Variants in ASAP3 observed in about 807,000 individuals in gnomAD.
The protein encoded by ASAP3 is arf-GAP with SH3 domain, ANK repeat and PH domain-containing protein 3.
ASAP3 carries 85 observed loss-of-function variants against 118.2 expected under a neutral mutation model. That is an observed-to-expected ratio of 0.72 (90% CI 0.60 to 0.86). The LOEUF (loss-of-function observed/expected upper bound fraction) is 0.86. ASAP3 is among the 40% of genes least tolerant of loss of function. ASAP3 has a pLI of 0.00. For missense variants in ASAP3, 1,026 were observed against 1,175.0 expected, an observed-to-expected ratio of 0.87 and a Z score of 1.85; for synonymous variants, 432 against 477.4, an observed-to-expected ratio of 0.90 and a Z score of 1.24.
chr1:23,471,215 G>T (rs773026855), intron 1 of ASAP3, among the ~76,000 whole-genome samples: 3 of 152,118 alleles, frequency 2.0e-5, no homozygotes, highest in Non-Finnish European at 4.4e-5. Context: ...TGCTCATGCT[G>T]CTCCCTCTGC....
rs557667100 is a variant in ASAP3, at chr1:23,452,789, G to A, written c.349-18C>T. Reference sequence around the variant, plus strand: ...TTCTGAATCTGGAAAAAACAGAGACGCTCATTCCCGCCTCAGGTGACCGGC... The same window carrying A: ...TTCTGAATCTGGAAAAAACAGAGACACTCATTCCCGCCTCAGGTGACCGGC... On this transcript the variant is annotated intron_variant, in intron 3 of 24. Transcript: ENST00000336689. The A allele has an allele frequency of 1.9e-5, 31 of 1,612,868 alleles. No individual in the cohort carries two copies. In the East Asian group the frequency reaches 2.0e-4, roughly 10 times the overall value.
intron 17 of ASAP3, 80 bp downstream of exon 17, chr1:23,435,771 G>C (rs1640626914): frequency 6.7e-7 from 1 of 1,502,956 alleles, no homozygotes; most frequent in Non-Finnish European, 9.3e-7. Flanking sequence ...GGGTGGAGGG[G>C]AGTAACAGCT....
chr1:23,428,904 C>G lies in ASAP3; in HGVS notation c.*952G>C, dbSNP rs1199877309. 6.5e-6 allele frequency: 1 copy of G among 154,838 alleles called. No individual in the cohort carries two copies. The highest frequency in any genetic ancestry group is 2.4e-5 in the African/African-American group (1 of 41,538). The allele number at this position is 154,838 out of a possible 1,614,324, so 9.6% of individuals were successfully genotyped here. On this transcript the variant is annotated 3_prime_UTR_variant, in exon 25 of 25. Transcript: ENST00000336689. ...GGGCTGGGAAGCAGAACCCTTAAGT[C>G]TCTGCCCTCCCAATTCTATTACTCT...
intron 3 of ASAP3, among the ~76,000 whole-genome samples, chr1:23,453,304 T>TG (rs1353250257): frequency 6.6e-6 from 1 of 151,828 alleles, no homozygotes; most frequent in Non-Finnish European, 1.5e-5. Flanking sequence ...TGTGGTCAGA[T>TG]GGGGTAAACG....
rs1641211535 is a variant in ASAP3 at position 23,451,467 on chromosome 1, G to A, written c.473+12C>T. 2 of 1,613,616 alleles carry A rather than the reference G, an allele frequency of 1.2e-6. No homozygotes were observed. The highest frequency in any genetic ancestry group is 2.2e-5 in the East Asian group (1 of 44,902). ...CTCTCCCAGACAAACGACCCTGGCT[G>A]TGGCCACTTACATTTTGGCTTCATA... is the stretch of plus-strand genomic sequence containing the variant. On this transcript the variant is annotated intron_variant, in intron 5 of 24. Coordinates refer to ENST00000336689, the MANE Select transcript of ASAP3 (RefSeq NM_017707.4).
upstream of ASAP3, chr1:23,484,344 TC>T: frequency 2.4e-6 from 1 of 413,418 alleles, no homozygotes; most frequent in Non-Finnish European, 3.7e-6. Context: ...ACCGCCAAGG[TC>T]CAGGCTCCGG....
intron 5 of ASAP3, among the ~76,000 whole-genome samples, chr1:23,450,886 G>A (rs1641192594): frequency 6.6e-6 from 1 of 152,200 alleles, no homozygotes; most frequent in South Asian, 2.1e-4. Flanking sequence ...TGCCCAGGAG[G>A]AATTGGCCAC....
In ASAP3 at chr1:23,446,915, C is replaced by T. The variant is rs904574249; in HGVS notation, c.474-4303G>A. On this transcript the variant is annotated intron_variant, in intron 5 of 24. Transcript: ENST00000336689. The stretch of plus-strand genomic sequence containing the variant: ...GGTTTCATGGAAGACAATATTTCCA[C>T]GGATAGCAGGGTGGGGGAGGGTGGT... Among the ~76,000 whole-genome samples the T allele has an allele frequency of 9.2e-5, 14 of 151,914 alleles. 1 individual carries two copies. Among genetic ancestry groups the T allele is most frequent in the African/African-American group, 2.9e-4 (12 of 41,350 alleles).
intron 1 of ASAP3, among the ~76,000 whole-genome samples, chr1:23,477,903 T>G: frequency 6.6e-6 from 1 of 152,172 alleles, no homozygotes; most frequent in Non-Finnish European, 1.5e-5. Context: ...ACCTGCTTAC[T>G]GTTGGGCTTT....
rs571093243 is a variant in ASAP3 at position 23,434,782 on chromosome 1, G to GT, written c.1750-165dup. Among the ~76,000 whole-genome samples, 17 of 152,196 alleles carry GT rather than the reference G, an allele frequency of 1.1e-4. No individual in the cohort carries two copies. The East Asian group carries it at 3.3e-3, about 29-fold the overall frequency. On this transcript the variant is annotated intron_variant, in intron 17 of 24. Transcript: ENST00000336689. ...GCAGAGCCTCATGTCTGGGAGGAAGGTGAAGGGCCATTCTCCCATTGTTCC... is the reference window on the plus strand; with the variant it reads ...GCAGAGCCTCATGTCTGGGAGGAAGGTTGAAGGGCCATTCTCCCATTGTTCC...
rs577784339 is a variant in ASAP3, at chr1:23,436,822, C to G, written c.1476+89G>C. The stretch of plus-strand genomic sequence containing the variant: ...TTGTCCCAGCCCACCTCGGCCAGGT[C>G]CCACCCACAACCTGCAAGCCCCGCC... On this transcript the variant is annotated intron_variant, in intron 15 of 24. Transcript: ENST00000336689. This position sits in a 1 kb window ranked among gnomAD's most constrained non-coding sequence, Gnocchi z 4.2. The G allele has an allele frequency of 8.0e-5, 118 of 1,470,918 alleles. No homozygotes were observed. The highest frequency in any genetic ancestry group is 1.0e-4 in the Non-Finnish European group (110 of 1,096,902). 91.1% of individuals were successfully genotyped at this position (1,470,918 alleles called of 1,614,324 possible). A position where few individuals can be genotyped will look rare whatever the true frequency, so the allele number is the denominator to read the frequency against.
At chr1:23,472,231 T>G (rs1641984980) in intron 1 of ASAP3, among the ~76,000 whole-genome samples, 2 of 152,204 alleles carry the variant, frequency 1.3e-5, no homozygotes, top group Admixed American at 6.5e-5. Context: ...AGTTTTATGT[T>G]ATGTGAATTT....
rs772241403 is a variant in ASAP3 at position 23,437,391 on chromosome 1, A to AAGGCTGGCC, written c.1151+24_1151+32dup. 5 of 1,612,332 alleles carry AAGGCTGGCC rather than the reference A, an allele frequency of 3.1e-6. No homozygotes were observed. The highest frequency in any genetic ancestry group is 4.2e-6 in the Non-Finnish European group (5 of 1,179,066). ...GATAGGGCCGCCGGCCCCCACCCAC[A>AAGGCTGGCC]AGGCTGGCCGGGCTGGCCGAGGGGG... On this transcript the variant is annotated intron_variant, in intron 13 of 24. Coordinates refer to ENST00000336689, the MANE Select transcript of ASAP3 (RefSeq NM_017707.4). The surrounding 1 kb of genome is among the most constrained non-coding windows in gnomAD (Gnocchi z 6.1).
chr1:23,450,748 A>T (rs1274917354), intron 5 of ASAP3, among the ~76,000 whole-genome samples: 1 of 152,208 alleles, frequency 6.6e-6, no homozygotes, highest in East Asian at 1.9e-4. Flanking sequence ...TTGCTTTGGC[A>T]AAATGCAAGA....
intron 6 of ASAP3, 30 bp from the exon 7 acceptor site, chr1:23,442,301 T>C (rs771668246): frequency 6.3e-7 from 1 of 1,589,410 alleles, no homozygotes; most frequent in Non-Finnish European, 8.6e-7. Flanking sequence ...AGATACGTGA[T>C]GTGAGCTGAA....
chr1:23,441,045 C>T (rs1640854646), intron 10 of ASAP3, 57 bp downstream of exon 10: 3 of 1,509,844 alleles, frequency 2.0e-6, no homozygotes, highest in Admixed American at 1.7e-5. Context: ...TTCCCCAACC[C>T]TGTCATTTAC....
intron 22 of ASAP3, 33 bp downstream of exon 22, chr1:23,433,044 A>G (rs778179117): frequency 6.2e-7 from 1 of 1,611,946 alleles, no homozygotes; most frequent in East Asian, 2.2e-5. Context: ...TGTGAATGGC[A>G]TGGTGAGCAT....
rs1288402019 is a variant in ASAP3, at chr1:23,437,586, C to T, written c.1103-114G>A. 1.5e-6 allele frequency: 2 copies of T among 1,322,668 alleles called. No individual in the cohort carries two copies. Among genetic ancestry groups the T allele is most frequent in the Non-Finnish European group, 2.1e-6 (2 of 954,642 alleles). 81.9% of individuals were successfully genotyped at this position (1,322,668 alleles called of 1,614,324 possible). On this transcript the variant is annotated intron_variant, in intron 12 of 24. Coordinates refer to ENST00000336689, the MANE Select transcript of ASAP3 (RefSeq NM_017707.4). This position sits in a 1 kb window ranked among gnomAD's most constrained non-coding sequence, Gnocchi z 6.1. ...ACATGGAGATGTGTCCCTGACAAGT[C>T]GGACTCTCAAGCTAGGAGTGGGAAG...
At chr1:23,451,374 A>G in intron 5 of ASAP3, 105 bp downstream of exon 5, 1 of 1,295,242 alleles carries the variant, frequency 7.7e-7, no homozygotes, top group Non-Finnish European at 1.1e-6. Context: ...ACAGAGCCAG[A>G]TGTCACCCAA....
Sources: gnomAD v4.1 joint callset for allele counts (sites outside exome capture counted in the v4.1 genomes callset) on GRCh38, gnomAD v4.1.1 for gene constraint, Gnocchi (gnomAD v3.1) non-coding constraint, MANE v1.5 for transcripts, NCBI Gene and HGNC (gene_info 2026-07-23, HGNC 2026-07-21) for gene names.